DDX10: variants seen among roughly 807,000 people sequenced by gnomAD.
The protein encoded by DDX10 is probable ATP-dependent RNA helicase DDX10.
A neutral mutation model predicts 104.3 loss-of-function variants in DDX10; 74 were observed. That is an observed-to-expected ratio of 0.71 (90% confidence interval 0.59 to 0.86). The LOEUF is 0.86. DDX10 is among the 40% of genes least tolerant of loss of function. DDX10 has a pLI of 0.00. For synonymous variants in DDX10, 351 were observed against 353.4 expected, an observed-to-expected ratio of 0.99 and a Z score of 0.08; for missense variants, 952 against 1,040.0, an observed-to-expected ratio of 0.92 and a Z score of 1.16.
chr11:108,939,188 T>A (rs998929758), intron 17 of DDX10, among the ~76,000 whole-genome samples: 6 of 152,214 alleles, frequency 3.9e-5, no homozygotes, highest in African/African-American at 1.4e-4. Context: ...CTGACTGTGT[T>A]GATGTCAAAC....
chr11:108,925,903 G>A (rs1269169164), intron 17 of DDX10, among the ~76,000 whole-genome samples: 6 of 152,258 alleles, frequency 3.9e-5, no homozygotes, highest in African/African-American at 1.4e-4. Context: ...TTCCTTTGAA[G>A]TCATTTGAAG....
At chr11:108,666,753 C>T (rs1027678532) in intron 1 of DDX10, among the ~76,000 whole-genome samples, 2 of 152,148 alleles carry the variant, frequency 1.3e-5, no homozygotes, top group African/African-American at 2.4e-5. Flanking sequence ...CTTACGATTG[C>T]GTTTAGGGCC....
At chr11:108,709,065 G>C (rs1338589197) in intron 10 of DDX10, among the ~76,000 whole-genome samples, 1 of 151,954 alleles carries the variant, frequency 6.6e-6, no homozygotes, top group African/African-American at 2.4e-5. Flanking sequence ...TTTCCCAATC[G>C]GTATGCCTTT....
chr11:108,930,134 C>G (rs1863958789), intron 17 of DDX10, among the ~76,000 whole-genome samples: 1 of 152,026 alleles, frequency 6.6e-6, no homozygotes, highest in African/African-American at 2.4e-5. Flanking sequence ...TCATTGCCCT[C>G]AAAATCCCTT....
At chr11:108,800,678 T>TTG (rs1565282537) in intron 13 of DDX10, among the ~76,000 whole-genome samples, 368 of 152,324 alleles carry the variant, frequency 2.4e-3, no homozygotes, top group African/African-American at 8.5e-3. Flanking sequence ...TATGGGAAAC[T>TTG]ATTGTTTCCC....
intron 13 of DDX10, among the ~76,000 whole-genome samples, chr11:108,831,445 A>AT (rs1345392853): frequency 2.0e-5 from 3 of 147,822 alleles, no homozygotes; most frequent in Non-Finnish European, 4.5e-5. Context: ...AAAAAAAAAA[A>AT]GAAATGCTCT....
intron 13 of DDX10, among the ~76,000 whole-genome samples, chr11:108,756,509 G>T (rs2094344639): frequency 6.6e-6 from 1 of 151,960 alleles, no homozygotes; most frequent in African/African-American, 2.4e-5. Flanking sequence ...TTAGCTTTTA[G>T]GTTGCTCCAT....
intron 13 of DDX10, among the ~76,000 whole-genome samples, chr11:108,819,599 C>CTT (rs1265291766): frequency 6.6e-6 from 1 of 151,916 alleles, no homozygotes; most frequent in Non-Finnish European, 1.5e-5. Context: ...ATGCCTATTT[C>CTT]TTTTTTTCTT....
chr11:108,694,769 T>A (rs1459603955), intron 9 of DDX10, among the ~76,000 whole-genome samples: 2 of 152,106 alleles, frequency 1.3e-5, no homozygotes, highest in Non-Finnish European at 2.9e-5. Flanking sequence ...TAGTCTCAGC[T>A]CCTTGGGAGG....
chr11:108,928,178 A>G (rs1863931930), intron 17 of DDX10, among the ~76,000 whole-genome samples: 1 of 152,200 alleles, frequency 6.6e-6, no homozygotes, highest in African/African-American at 2.4e-5. Flanking sequence ...TTGTAAGTTT[A>G]TTGGCTAAAG....
intron 16 of DDX10, among the ~76,000 whole-genome samples, chr11:108,879,855 A>G (rs577198523): frequency 5.4e-4 from 83 of 152,304 alleles, no homozygotes; most frequent in African/African-American, 1.8e-3. Context: ...AGGTGGCCAT[A>G]TCAAAATGTT....
chr11:108,887,871 G>A (rs1422802444), intron 16 of DDX10, among the ~76,000 whole-genome samples: 6 of 151,368 alleles, frequency 4.0e-5, no homozygotes, highest in Non-Finnish European at 5.9e-5. Context: ...GGTGAGCCGC[G>A]ATCACACCAC....
chr11:108,841,353 C>T lies in DDX10; in HGVS notation c.2124C>T (p.Ile708=). ...QQWPQMQKSA[I]KDAEEDDDTG... Reference sequence around the variant, plus strand: ...GGCCACAAATGCAGAAATCTGCCATCAAGGATGCTGAGGAAGATGATGACA... The same window carrying T: ...GGCCACAAATGCAGAAATCTGCCATTAAGGATGCTGAGGAAGATGATGACA... Residue 708 remains isoleucine, a synonymous_variant, in exon 15 of 18, where the codon ATC becomes ATT. Transcript: ENST00000322536. 6.2e-7 allele frequency: 1 copy of T among 1,613,304 alleles called. No homozygotes were observed. Among genetic ancestry groups the T allele is most frequent in the African/African-American group, 1.3e-5 (1 of 74,940 alleles).
At chr11:108,847,609 T>A (rs745351164) in intron 15 of DDX10, among the ~76,000 whole-genome samples, 2 of 152,184 alleles carry the variant, frequency 1.3e-5, no homozygotes, top group Non-Finnish European at 2.9e-5. Context: ...AAAATCTATC[T>A]TGTTTTATTG....
intron 16 of DDX10, among the ~76,000 whole-genome samples, chr11:108,891,810 A>C (rs148312933): frequency 0.011 from 1,603 of 152,292 alleles, 26 homozygotes; most frequent in African/African-American, 0.037. Context: ...AGCAGCAGGC[A>C]TGGAGCCAGA....
At chr11:108,939,401 G>C (rs1427066982) in intron 17 of DDX10, among the ~76,000 whole-genome samples, 1 of 152,198 alleles carries the variant, frequency 6.6e-6, no homozygotes, top group African/African-American at 2.4e-5. Context: ...GGGTTGCCAT[G>C]AATATAAATG....
chr11:108,885,482 C>T (rs557200650), intron 16 of DDX10, among the ~76,000 whole-genome samples: 2 of 151,666 alleles, frequency 1.3e-5, no homozygotes, highest in Non-Finnish European at 2.9e-5. Flanking sequence ...CTCAGACTCT[C>T]GAGTAGCTGG....
chr11:108,777,689 G>C (rs913904302), intron 13 of DDX10, among the ~76,000 whole-genome samples: 1 of 152,118 alleles, frequency 6.6e-6, no homozygotes, highest in Non-Finnish European at 1.5e-5. Context: ...GGAAGTTCTG[G>C]CCAGGGCAAT....
intron 13 of DDX10, among the ~76,000 whole-genome samples, chr11:108,817,646 A>T (rs1009460380): frequency 2.6e-5 from 4 of 152,212 alleles, no homozygotes; most frequent in Non-Finnish European, 5.9e-5. Context: ...GTAGATAGCC[A>T]GTGTTTGTTG....
Sources: gnomAD v4.1 joint callset for allele counts (sites outside exome capture counted in the v4.1 genomes callset) on GRCh38, gnomAD v4.1.1 for gene constraint, MANE v1.5 for transcripts, NCBI Gene and HGNC (gene_info 2026-07-23, HGNC 2026-07-21) for gene names.